The following ARAP2 variants were observed in gnomAD, a reference collection of about 807,000 sequenced individuals.
The protein encoded by ARAP2 is ArfGAP with RhoGAP domain, ankyrin repeat and PH domain 2, also known as arf-GAP with Rho-GAP domain, ANK repeat and PH domain-containing protein 2.
In ARAP2, 148 loss-of-function variants were observed where a neutral mutation model predicts 194.5. The observed-to-expected ratio is 0.76, with a 90% confidence interval of 0.67 to 0.87. ARAP2 has a LOEUF of 0.87. Ranked by LOEUF, ARAP2 falls within the 40% of genes least tolerant of loss-of-function variation. ARAP2 has a pLI of 0.00. For synonymous variants in ARAP2, 695 were observed against 683.5 expected, an observed-to-expected ratio of 1.02 and a Z score of -0.26; for missense variants, 2,128 against 1,989.7, an observed-to-expected ratio of 1.07 and a Z score of -1.32.
At chr4:36,029,678 G>A (rs1008804392) in intron 5 of ARAP2, among the ~76,000 whole-genome samples, 1 of 151,822 alleles carries the variant, frequency 6.6e-6, no homozygotes, top group East Asian at 1.9e-4. Flanking sequence ...CTCTGCATGT[G>A]TTCTGTTTTA....
chr4:36,113,240 C>T (rs1358272747), intron 26 of ARAP2, among the ~76,000 whole-genome samples: 2 of 151,744 alleles, frequency 1.3e-5, no homozygotes, highest in East Asian at 1.9e-4. Context: ...GGATTGAGAC[C>T]GATTGAGGGA....
At chr4:36,086,157 GAC>G (rs1272047458) in intron 28 of ARAP2, among the ~76,000 whole-genome samples, 2 of 152,072 alleles carry the variant, frequency 1.3e-5, no homozygotes, top group African/African-American at 2.4e-5. Context: ...TATTCCCTCA[GAC>G]ACAGTCCCAA....
At chr4:36,019,320 C>T (rs939512703) in intron 5 of ARAP2, 2 of 149,072 alleles carry the variant, frequency 1.3e-5, no homozygotes, top group African/African-American at 2.6e-5. Context: ...ATTATTATTC[C>T]GTTGAAATAA....
chr4:36,197,005 C>T (rs551701287), intron 6 of ARAP2, among the ~76,000 whole-genome samples: 1 of 151,752 alleles, frequency 6.6e-6, no homozygotes, highest in African/African-American at 2.4e-5. Flanking sequence ...TCTCTTGCTC[C>T]ATTTCTTTAC....
At chr4:36,015,000 A>G (rs2109322246) in intron 8 of ARAP2, among the ~76,000 whole-genome samples, 1 of 152,268 alleles carries the variant, frequency 6.6e-6, no homozygotes, top group East Asian at 1.9e-4. Context: ...TGCACCTGTT[A>G]AAGTTTTGAG....
At chr4:36,141,101 C>A (rs919809983) in intron 19 of ARAP2, among the ~76,000 whole-genome samples, 3 of 151,586 alleles carry the variant, frequency 2.0e-5, no homozygotes, top group African/African-American at 7.3e-5. Context: ...AAAAATAGTT[C>A]TCAAATTTTG....
chr4:36,204,569 C>A (rs1324011446), intron 6 of ARAP2, among the ~76,000 whole-genome samples: 1 of 152,178 alleles, frequency 6.6e-6, no homozygotes, highest in African/African-American at 2.4e-5. Flanking sequence ...TGGGGAACAA[C>A]CAGCCCAAAC....
intron 5 of ARAP2, among the ~76,000 whole-genome samples, chr4:36,026,166 T>C (rs113855624): frequency 2.8e-4 from 42 of 152,300 alleles, no homozygotes; most frequent in Admixed American, 1.0e-3. Flanking sequence ...CCAGAGATAA[T>C]TGATTATGGA....
chr4:36,153,457 C>A (rs1229991944), intron 15 of ARAP2, among the ~76,000 whole-genome samples: 2 of 152,078 alleles, frequency 1.3e-5, no homozygotes, highest in Admixed American at 6.5e-5. Context: ...AGCTGTCTAC[C>A]AACATAAAAT....
At chr4:36,098,347 C>T (rs960259761) in intron 27 of ARAP2, among the ~76,000 whole-genome samples, 4 of 152,104 alleles carry the variant, frequency 2.6e-5, no homozygotes, top group African/African-American at 9.7e-5. Flanking sequence ...CTACACACTT[C>T]CTTTTCTCTC....
Position 36,128,738 on chromosome 4 carries a change from TC to T in ARAP2, c.3434del (p.Gly1145AspfsTer15). ...CATTCTTTTGATAGATATATTTGCA[TC>T]CTAAACCTTTGTTTAAAAAAAAAAA... ...CIAFVTQYGL[G>X]CKYIYQKNGD... On this transcript the variant is annotated frameshift_variant, in exon 21 of 33. Coordinates refer to ENST00000303965, the MANE Select transcript of ARAP2 (RefSeq NM_015230.4). LOFTEE classifies it high-confidence loss of function. The T allele has an allele frequency of 6.5e-7, 1 of 1,536,852 alleles. No individual in the cohort carries two copies. Among genetic ancestry groups the T allele is most frequent in the Non-Finnish European group, 8.7e-7 (1 of 1,151,638 alleles).
chr4:36,133,382 A>G lies in ARAP2; in HGVS notation c.3271T>C (p.Tyr1091His). 1 of 1,609,036 alleles carries G rather than the reference A, an allele frequency of 6.2e-7. No homozygotes were observed. The highest frequency in any genetic ancestry group is 8.5e-7 in the Non-Finnish European group (1 of 1,177,276). Reference sequence around the variant, plus strand: ...TCCAACTTGGTATGCCCATGGATGTATAATGTTCTGTAAAGTTTAAAAAGC... The same window carrying G: ...TCCAACTTGGTATGCCCATGGATGTGTAATGTTCTGTAAAGTTTAAAAAGC... ...LLLVEKGRTL[Y>H]IHGHTKLDFT... is the part of the protein sequence containing the mutation. Residue 1091 changes from tyrosine (Y) to histidine (H), a missense_variant, in exon 20 of 33, where the codon TAC becomes CAC. By Grantham distance (83) the Tyr-to-His change is moderately conservative. Transcript: ENST00000303965.
At chr4:36,117,969 G>A (rs1721768526) in intron 24 of ARAP2, among the ~76,000 whole-genome samples, 1 of 151,480 alleles carries the variant, frequency 6.6e-6, no homozygotes, top group East Asian at 1.9e-4. Context: ...TAACCAATTA[G>A]AAACAGTATC....
At position 36,151,040 on chromosome 4, in the gene ARAP2, T is replaced by C. The variant is rs551401225; in HGVS notation, c.2757A>G (p.Thr919=). The change falls in exon 16 of 33, where the codon ACA becomes ACG. Residue 919 remains threonine, a synonymous_variant. Transcript: ENST00000303965. The part of the protein sequence containing the change: ...LSSEKKLLEE[T]NKKWCVLEGG... ...CTTCCAAAACACACCATTTTTTATT[T>C]GTCTCTAAGAATTTGAAACAAAACA... 41 of 1,588,472 alleles carry C rather than the reference T, an allele frequency of 2.6e-5. 1 individual carries two copies. In the South Asian group the frequency reaches 4.0e-4, roughly 16 times the overall value.
intron 8 of ARAP2, among the ~76,000 whole-genome samples, chr4:36,014,281 GAAAGAAAGAAAGAA>G (rs1560264287): frequency 4.3e-5 from 6 of 138,868 alleles, no homozygotes; most frequent in African/African-American, 1.4e-4. Flanking sequence ...AAGAAAGAAA[GAAAGAAAGAAAGAA>G]AGAAGAGAAG....
intron 21 of ARAP2, among the ~76,000 whole-genome samples, chr4:36,125,758 C>T (rs1194953778): frequency 6.6e-6 from 1 of 152,014 alleles, no homozygotes; most frequent in Non-Finnish European, 1.5e-5. Flanking sequence ...GACAGTTTAG[C>T]CTATGCTACC....
At chr4:36,149,714 C>A (rs865953274) in intron 16 of ARAP2, among the ~76,000 whole-genome samples, 4 of 152,014 alleles carry the variant, frequency 2.6e-5, no homozygotes, top group Admixed American at 6.6e-5. Flanking sequence ...ATTGAATAAT[C>A]ATTTAGAGTA....
At chr4:36,008,223 C>T (rs1713720768) in intron 9 of ARAP2, among the ~76,000 whole-genome samples, 1 of 151,904 alleles carries the variant, frequency 6.6e-6, no homozygotes, top group Non-Finnish European at 1.5e-5. Flanking sequence ...TCAAAAAGAG[C>T]CCAAATAGCC....
intron 29 of ARAP2, among the ~76,000 whole-genome samples, 158 bp from the exon 30 acceptor site, chr4:36,082,444 T>C (rs1729796047): frequency 1.3e-5 from 2 of 152,116 alleles, no homozygotes; most frequent in South Asian, 2.1e-4. Context: ...TAGAGGTGAA[T>C]GCTAAATGCT....
Sources: allele counts gnomAD v4.1 joint callset (sites outside exome capture counted in the v4.1 genomes callset), GRCh38; gene constraint gnomAD v4.1.1; transcripts MANE v1.5; gene names NCBI Gene and HGNC (gene_info 2026-07-23, HGNC 2026-07-21).